TNIK: variants seen among roughly 807,000 people sequenced by gnomAD.
TNIK encodes TRAF2 and NCK interacting kinase.
TNIK carries 49 observed loss-of-function variants against 191.3 expected under a neutral mutation model. The observed-to-expected ratio is 0.26, with a 90% CI of 0.20 to 0.32. TNIK has a LOEUF of 0.32. TNIK is among the 10% of genes least tolerant of loss of function. The pLI is 1.00. For synonymous variants in TNIK, 594 were observed against 600.9 expected (o/e 0.99, Z 0.17); for missense variants, 1,155 against 1,702.3 (o/e 0.68, Z 5.66).
chr3:171,308,311 A>G (rs916690324), intron 2 of TNIK, among the ~76,000 whole-genome samples: 1 of 152,172 alleles, frequency 6.6e-6, no homozygotes, highest in African/African-American at 2.4e-5. Flanking sequence ...GCTGACAAAA[A>G]CAAGCAATGG....
intron 18 of TNIK, among the ~76,000 whole-genome samples, chr3:171,118,321 CATGGATAGGAAGA>C (rs1239374432): frequency 6.6e-6 from 1 of 152,190 alleles, no homozygotes; most frequent in East Asian, 1.9e-4. Context: ...ATTTCATGCT[CATGGATAGGAAGA>C]ATCAATATCG....
chr3:171,208,944 T>A (rs1740445251), intron 4 of TNIK, among the ~76,000 whole-genome samples: 1 of 152,196 alleles, frequency 6.6e-6, no homozygotes, highest in Non-Finnish European at 1.5e-5. Flanking sequence ...CGTAAGTGAC[T>A]CCCTATTGGT....
rs879859137 is a variant in TNIK, at chr3:171,238,314, TA to T, written c.124-10094del. Among the ~76,000 whole-genome samples the T allele has an allele frequency of 2.2e-3, 307 of 141,320 alleles. 1 individual carries two copies. The highest frequency in any genetic ancestry group is 2.3e-3 in the Non-Finnish European group (152 of 64,684). 92.7% of individuals were successfully genotyped at this position (141,320 alleles called of 152,430 possible). A position where few individuals can be genotyped will look rare whatever the true frequency, so the allele number is the denominator to read the frequency against. On this transcript the variant is annotated intron_variant, in intron 2 of 32. Coordinates refer to ENST00000436636, the MANE Select transcript of TNIK (RefSeq NM_015028.4). ...GGGGGACAGAGTGAGATCCTATCTC[TA>T]AAAAAAAAAAAATTAAAAATGATAA...
chr3:171,402,619 A>AG (rs1721096431), intron 1 of TNIK, among the ~76,000 whole-genome samples: 1 of 152,212 alleles, frequency 6.6e-6, no homozygotes. Flanking sequence ...CCTTACATCA[A>AG]GGTTTAATCA....
intron 2 of TNIK, among the ~76,000 whole-genome samples, chr3:171,343,485 GTAAT>G (rs1560455184): frequency 6.6e-6 from 1 of 152,212 alleles, no homozygotes; most frequent in African/African-American, 2.4e-5. Flanking sequence ...TCTGGCACCA[GTAAT>G]TAAATGTGCC....
chr3:171,418,797 T>C (rs953002209), intron 1 of TNIK, among the ~76,000 whole-genome samples: 2 of 152,194 alleles, frequency 1.3e-5, no homozygotes, highest in Non-Finnish European at 2.9e-5. Flanking sequence ...AATAAACTAC[T>C]AATACCTGGT....
intron 1 of TNIK, among the ~76,000 whole-genome samples, chr3:171,444,024 G>A (rs1046524704): frequency 1.3e-5 from 2 of 152,100 alleles, no homozygotes; most frequent in Non-Finnish European, 2.9e-5. Context: ...GTTCTTCTAT[G>A]AGGGGAGGTC....
chr3:171,404,636 TAA>T (rs1192827316), intron 1 of TNIK, among the ~76,000 whole-genome samples: 2 of 152,196 alleles, frequency 1.3e-5, no homozygotes, highest in Non-Finnish European at 2.9e-5. Context: ...TAATTTTTTT[TAA>T]GTTCTTATAT....
At position 171,063,835 on chromosome 3, in the gene TNIK, T is replaced by C. The variant is rs758943336; in HGVS notation, c.*46A>G. On this transcript the variant is annotated 3_prime_UTR_variant, in exon 33 of 33. Coordinates refer to ENST00000436636, the MANE Select transcript of TNIK (RefSeq NM_015028.4). The stretch of plus-strand genomic sequence containing the variant: ...TAAGTCCACATGAGTTATGTTCTTT[T>C]AAATTAGAAATAACGCCATGAAGAT... 6.3e-6 allele frequency: 10 copies of C among 1,593,348 alleles called. No individual in the cohort carries two copies. In the South Asian group the frequency reaches 1.0e-4, roughly 16 times the overall value.
intron 21 of TNIK, chr3:171,106,790 C>CT (rs775201519): frequency 3.7e-5 from 20 of 533,378 alleles, no homozygotes; most frequent in African/African-American, 3.6e-4. Context: ...ATCACACACT[C>CT]TAAATTTGGA....
rs552742946 is a variant in TNIK at position 171,124,517 on chromosome 3, A to G, written c.2014-815T>C. On this transcript the variant is annotated intron_variant, in intron 17 of 32. Coordinates refer to ENST00000436636, the MANE Select transcript of TNIK (RefSeq NM_015028.4). ...AAATGAAATTAAATATTTTAAGTGT[A>G]CCAAAGGAGTCCGTTATTTAAAAGA... is the stretch of plus-strand genomic sequence containing the variant. Among the ~76,000 whole-genome samples, 7 of 152,358 alleles carry G rather than the reference A, an allele frequency of 4.6e-5. No homozygotes were observed. In the East Asian group the frequency reaches 1.3e-3, roughly 29 times the overall value.
In TNIK at chr3:171,061,601, A is replaced by AAAAAC. The variant is rs1717839611; in HGVS notation, c.*2275_*2279dup. 1.3e-5 allele frequency: 2 copies of AAAAAC among 152,372 alleles called. No individual in the cohort carries two copies. Among genetic ancestry groups the AAAAAC allele is most frequent in the East Asian group, 1.9e-4 (1 of 5,194 alleles). 9.4% of individuals were successfully genotyped at this position (152,372 alleles called of 1,614,324 possible). Reference sequence around the variant, plus strand: ...TGTTTCAAACTTATCACTTAGAAATAAAAACAAAACAAAACATAAAAACAA... The same window carrying AAAAAC: ...TGTTTCAAACTTATCACTTAGAAATAAAAACAAAACAAAACAAAACATAAAAACAA... On this transcript the variant is annotated 3_prime_UTR_variant, in exon 33 of 33. Transcript: ENST00000436636.
intron 30 of TNIK, among the ~76,000 whole-genome samples, chr3:171,067,043 T>A (rs1018201836): frequency 8.5e-5 from 13 of 152,220 alleles, no homozygotes; most frequent in African/African-American, 2.9e-4. Context: ...CCAAGGTAGA[T>A]AGCTTTGTTT....
At chr3:171,304,252 G>A (rs965225198) in intron 2 of TNIK, among the ~76,000 whole-genome samples, 1 of 152,160 alleles carries the variant, frequency 6.6e-6, no homozygotes. Context: ...AGGAGCCATG[G>A]TGATGGGGGA....
intron 23 of TNIK, among the ~76,000 whole-genome samples, chr3:171,090,648 G>A (rs953138626): frequency 1.3e-5 from 2 of 152,166 alleles, no homozygotes; most frequent in Non-Finnish European, 2.9e-5. Context: ...TTGGTGAAGT[G>A]TGGGTAGCAG....
chr3:171,139,586 G>A, intron 13 of TNIK, 30 bp from the exon 14 acceptor site: 1 of 1,607,164 alleles, frequency 6.2e-7, no homozygotes, highest in Non-Finnish European at 8.5e-7. Flanking sequence ...AGAATTCAGA[G>A]GAACAGAAAG....
chr3:171,393,021 G>C (rs997325424), intron 1 of TNIK, among the ~76,000 whole-genome samples: 3 of 151,918 alleles, frequency 2.0e-5, no homozygotes, highest in African/African-American at 7.3e-5. Context: ...GCATTTCTAG[G>C]AACCACTGTA....
At position 171,460,223 on chromosome 3, in the gene TNIK, C is replaced by G. The variant is rs1729316317; in HGVS notation, c.-160G>C. 3.4e-6 allele frequency: 3 copies of G among 874,646 alleles called. No individual in the cohort carries two copies. The highest frequency in any genetic ancestry group is 5.2e-6 in the Non-Finnish European group (3 of 571,998). The allele number at this position is 874,646 out of a possible 1,614,324, so 54.2% of individuals were successfully genotyped here. ...ACCCCAGCCCCACAGCGCCGGATCC[C>G]GATCCTCCGCGCGTCGGTCCGCCGG... On this transcript the variant is annotated 5_prime_UTR_variant, in exon 1 of 33. Transcript: ENST00000436636. This position sits in a 1 kb window ranked among gnomAD's most constrained non-coding sequence, Gnocchi z 6.8.
At chr3:171,226,035 T>A (rs2108980245) in intron 3 of TNIK, among the ~76,000 whole-genome samples, 1 of 152,322 alleles carries the variant, frequency 6.6e-6, no homozygotes, top group South Asian at 2.1e-4. Flanking sequence ...GTAAAATGTT[T>A]ACACGTTTAT....
Sources: gnomAD v4.1 joint callset for allele counts (sites outside exome capture counted in the v4.1 genomes callset) on GRCh38, gnomAD v4.1.1 for gene constraint, Gnocchi (gnomAD v3.1) non-coding constraint, MANE v1.5 for transcripts, NCBI Gene and HGNC (gene_info 2026-07-23, HGNC 2026-07-21) for gene names.